STRN4: variants seen among roughly 807,000 people sequenced by gnomAD.
STRN4 encodes the protein striatin-4.
STRN4 carries 27 observed loss-of-function variants against 77.9 expected under a neutral mutation model. The observed-to-expected ratio is 0.35, with a 90% confidence interval of 0.26 to 0.48. The LOEUF (loss-of-function observed/expected upper bound fraction) is 0.48, where lower values mean the gene tolerates loss of function less well. Ranked by LOEUF, STRN4 falls within the 20% of genes least tolerant of loss-of-function variation. The pLI is 0.99. For missense variants in STRN4, 798 were observed against 1,049.7 expected, an observed-to-expected ratio of 0.76 and a Z score of 3.31; for synonymous variants, 466 against 443.1, an observed-to-expected ratio of 1.05 and a Z score of -0.65.
intron 1 of STRN4, among the ~76,000 whole-genome samples, chr19:46,745,361 C>G (rs1440377505): frequency 6.6e-6 from 1 of 152,188 alleles, no homozygotes; most frequent in Non-Finnish European, 1.5e-5. Flanking sequence ...CCAAAGAACC[C>G]TTCCCTGCAC....
At chr19:46,724,600 T>C (rs75924415) in intron 12 of STRN4, among the ~76,000 whole-genome samples, 1 of 152,162 alleles carries the variant, frequency 6.6e-6, no homozygotes, top group Non-Finnish European at 1.5e-5. Context: ...CACCACCTCC[T>C]CCCACAGCCA....
In STRN4 at chr19:46,725,526, G is replaced by A. The variant is rs777567991; in HGVS notation, c.1371C>T (p.Ser457=). 8.7e-6 allele frequency: 14 copies of A among 1,614,060 alleles called. No individual in the cohort carries two copies. The highest frequency in any genetic ancestry group is 2.2e-5 in the East Asian group (1 of 44,908). Residue 457 remains serine, a synonymous_variant, in exon 10 of 18, where the codon TCC becomes TCT. Transcript: ENST00000263280. ...TCCAGAGCTTGAGCGTGCCGTCCTC[G>A]GAGGCGGTGAGCAGAGCCGACTGGC... ...HHSQSALLTA[S]EDGTLKLWNL...
Position 46,722,793 on chromosome 19 carries a change from G to A in STRN4, c.1906+17C>T. 6.2e-7 allele frequency: 1 copy of A among 1,613,084 alleles called. No individual in the cohort carries two copies. The highest frequency in any genetic ancestry group is 8.5e-7 in the Non-Finnish European group (1 of 1,179,506). On this transcript the variant is annotated intron_variant, in intron 14 of 17. Transcript: ENST00000263280. Reference sequence around the variant, plus strand: ...GACACTGAGACCAATTCCATGAGCTGATGTCAGCCCCCTTACCGCTGCTGC... The same window carrying A: ...GACACTGAGACCAATTCCATGAGCTAATGTCAGCCCCCTTACCGCTGCTGC...
chr19:46,734,845 T>C (rs1280393354), intron 4 of STRN4, among the ~76,000 whole-genome samples: 4 of 152,112 alleles, frequency 2.6e-5, no homozygotes, highest in Admixed American at 1.3e-4. Flanking sequence ...TTTGTATTTT[T>C]AGTAGAGACG....
chr19:46,724,754 G>A, intron 12 of STRN4, 53 bp downstream of exon 12: 3 of 1,612,698 alleles, frequency 1.9e-6, no homozygotes, highest in Non-Finnish European at 2.5e-6. Context: ...TGCGTGGAGG[G>A]GACGGCCAGG....
At chr19:46,730,178 C>T (rs1313628602) in intron 6 of STRN4, among the ~76,000 whole-genome samples, 2 of 152,226 alleles carry the variant, frequency 1.3e-5, no homozygotes, top group Non-Finnish European at 2.9e-5. Flanking sequence ...CTCTAGGCCT[C>T]CTGCAGTGCT....
intron 15 of STRN4, 30 bp from the exon 16 acceptor site, chr19:46,722,102 C>T (rs2053991068): frequency 6.2e-7 from 1 of 1,611,172 alleles, no homozygotes; most frequent in Non-Finnish European, 8.5e-7. Flanking sequence ...TGGCAGGTTC[C>T]CCTCCCACTC....
chr19:46,725,422 A>AC, intron 10 of STRN4, 43 bp from the exon 11 acceptor site: 3 of 1,613,228 alleles, frequency 1.9e-6, no homozygotes, highest in Non-Finnish European at 1.7e-6. Flanking sequence ...AGACCCTGTC[A>AC]CCCCCGTCCC....
chr19:46,746,051 G>C, intron 1 of STRN4, 98 bp downstream of exon 1: 215 of 904,548 alleles, frequency 2.4e-4, no homozygotes, highest in Non-Finnish European at 2.5e-4. Flanking sequence ...CGGCCGTCCC[G>C]GCGGCCATTG....
At chr19:46,730,990 CCT>C (rs1234923460) in intron 5 of STRN4, 117 bp from the exon 6 acceptor site, 124 of 1,422,390 alleles carry the variant, frequency 8.7e-5, no homozygotes, top group Non-Finnish European at 8.2e-5. Flanking sequence ...CCCCCTAACC[CCT>C]GAGCAGCCTT....
chr19:46,735,492 T>C (rs1005934192), intron 4 of STRN4, among the ~76,000 whole-genome samples: 1 of 151,802 alleles, frequency 6.6e-6, no homozygotes, highest in Non-Finnish European at 1.5e-5. Context: ...AGTTTATTTA[T>C]TTATTAAGAT....
intron 17 of STRN4, 97 bp from the exon 18 acceptor site, chr19:46,720,435 A>T: frequency 1.2e-6 from 1 of 843,738 alleles, no homozygotes; most frequent in Non-Finnish European, 1.6e-6. Context: ...TCCCCCAGTG[A>T]TTCTCACAGG....
rs1457334108 is a variant in STRN4, at chr19:46,746,395, G to GGCGGCGACC, written c.27_35dup (p.Val10_Ala12dup). On this transcript the variant is annotated inframe_insertion, in exon 1 of 18. Transcript: ENST00000263280. ...CGAGCGGACGGCAGGAGGAGGCGGCGGCGGCGACCGCGGCGGCCGCTCGCT... is the reference window on the plus strand; with the variant it reads ...CGAGCGGACGGCAGGAGGAGGCGGCGGCGGCGACCGCGGCGACCGCGGCGGCCGCTCGCT... 11 of 1,074,912 alleles carry GGCGGCGACC rather than the reference G, an allele frequency of 1.0e-5. No individual in the cohort carries two copies. In the South Asian group the frequency reaches 2.6e-4, roughly 26 times the overall value. The allele number at this position is 1,074,912 out of a possible 1,614,324, so 66.6% of individuals were successfully genotyped here. A position where few individuals can be genotyped will look rare whatever the true frequency, so the allele number is the denominator to read the frequency against.
At chr19:46,730,643 G>A (rs2054226567) in intron 6 of STRN4, 89 bp downstream of exon 6, 9 of 1,552,072 alleles carry the variant, frequency 5.8e-6, no homozygotes, top group South Asian at 1.2e-5. Context: ...AGCACACACC[G>A]CAGCCCCTGA....
chr19:46,720,372 G>A (rs980487902), intron 17 of STRN4, 34 bp from the exon 18 acceptor site: 15 of 425,396 alleles, frequency 3.5e-5, no homozygotes, highest in East Asian at 1.5e-4. Flanking sequence ...AGACTGAGCC[G>A]CCGCCTCTAG....
chr19:46,732,124 T>C (rs763058752), intron 5 of STRN4: 4 of 152,286 alleles, frequency 2.6e-5, no homozygotes, highest in African/African-American at 7.2e-5. Flanking sequence ...TCCTTCAGTG[T>C]CGACTGCCTG....
intron 16 of STRN4, 200 bp downstream of exon 16, chr19:46,721,786 G>A (rs2122220333): frequency 1.7e-6 from 1 of 576,116 alleles, no homozygotes; most frequent in East Asian, 2.9e-5. Flanking sequence ...GAGGCCGAAT[G>A]AGACGATGCA....
chr19:46,725,718 G>C, intron 9 of STRN4, 70 bp from the exon 10 acceptor site: 1 of 1,557,846 alleles, frequency 6.4e-7, no homozygotes. Context: ...CCGACACCCA[G>C]GGCTTGAGGG....
In STRN4 at chr19:46,738,471, C is replaced by A. The variant is rs1226041150; in HGVS notation, c.387-234G>T. On this transcript the variant is annotated intron_variant, in intron 2 of 17. Coordinates refer to ENST00000263280, the MANE Select transcript of STRN4 (RefSeq NM_013403.3). This position sits in a 1 kb window ranked among gnomAD's most constrained non-coding sequence, Gnocchi z 4.5. The stretch of plus-strand genomic sequence containing the variant: ...TGAGGAAACCATCAGCCCTTGAAAC[C>A]CCAGTTCCTTATCTGAAACAGGGCT... Among the ~76,000 whole-genome samples, 1 of 152,134 alleles carries A rather than the reference C, an allele frequency of 6.6e-6. No homozygotes were observed. The highest frequency in any genetic ancestry group is 6.5e-5 in the Admixed American group (1 of 15,268).
Sources: gnomAD v4.1 joint callset for allele counts (sites outside exome capture counted in the v4.1 genomes callset) on GRCh38, gnomAD v4.1.1 for gene constraint, Gnocchi (gnomAD v3.1) non-coding constraint, MANE v1.5 for transcripts, NCBI Gene and HGNC (gene_info 2026-07-23, HGNC 2026-07-21) for gene names.